The following PDE4D variants were observed in gnomAD, a reference collection of about 807,000 sequenced individuals.
PDE4D encodes the protein phosphodiesterase 4D, also known as 3',5'-cyclic-AMP phosphodiesterase 4D.
A neutral mutation model predicts 87.4 loss-of-function variants in PDE4D; 24 were observed. That is an observed-to-expected ratio of 0.27 (90% CI 0.20 to 0.39). The LOEUF (loss-of-function observed/expected upper bound fraction) is 0.39. Ranked by LOEUF, PDE4D falls within the 10% of genes least tolerant of loss-of-function variation. PDE4D has a pLI of 1.00. For missense variants in PDE4D, 714 were observed against 1,041.0 expected, an observed-to-expected ratio of 0.69 and a Z score of 4.32; for synonymous variants, 384 against 383.2, an observed-to-expected ratio of 1.00 and a Z score of -0.02.
At chr5:59,506,325 A>T (rs1809256235) in intron 1 of PDE4D, among the ~76,000 whole-genome samples, 1 of 152,174 alleles carries the variant, frequency 6.6e-6, no homozygotes, top group Admixed American at 6.5e-5. Context: ...TAATTTTAAT[A>T]ATTCTTATAT....
intron 1 of PDE4D, among the ~76,000 whole-genome samples, chr5:60,419,936 C>A (rs1742944795): frequency 6.6e-6 from 1 of 152,116 alleles, no homozygotes; most frequent in South Asian, 2.1e-4. Context: ...ATCTATAAAG[C>A]AGAGTCTTAG....
intron 1 of PDE4D, among the ~76,000 whole-genome samples, chr5:59,678,371 A>G (rs966946522): frequency 1.3e-5 from 2 of 152,294 alleles, no homozygotes; most frequent in East Asian, 1.9e-4. Flanking sequence ...AAAAATGTGT[A>G]AAGAATTACA....
At chr5:60,006,436 T>C (rs1764484924) in intron 2 of PDE4D, among the ~76,000 whole-genome samples, 1 of 151,532 alleles carries the variant, frequency 6.6e-6, no homozygotes, top group Non-Finnish European at 1.5e-5. Context: ...AAAAAGGAGG[T>C]ATCCCTGCAA....
chr5:59,502,088 G>T (rs1025109887), intron 1 of PDE4D, among the ~76,000 whole-genome samples: 3 of 152,010 alleles, frequency 2.0e-5, no homozygotes, highest in Non-Finnish European at 4.4e-5. Context: ...TCATGCCATG[G>T]TTTCTTTACC....
At chr5:60,090,680 G>A (rs1026159328) in intron 2 of PDE4D, among the ~76,000 whole-genome samples, 3 of 152,036 alleles carry the variant, frequency 2.0e-5, no homozygotes, top group Admixed American at 2.0e-4. Flanking sequence ...CTATCACAGC[G>A]GTTAGGCAAG....
chr5:60,258,768 T>C (rs1442969221), intron 1 of PDE4D, among the ~76,000 whole-genome samples: 1 of 151,982 alleles, frequency 6.6e-6, no homozygotes, highest in Non-Finnish European at 1.5e-5. Context: ...TACTTAAGAC[T>C]TCTATGATTT....
intron 2 of PDE4D, among the ~76,000 whole-genome samples, chr5:60,165,169 G>A (rs1654523546): frequency 6.6e-6 from 1 of 152,122 alleles, no homozygotes; most frequent in South Asian, 2.1e-4. Context: ...AACCTAACAT[G>A]AGGTTCTCCA....
At chr5:59,971,905 G>A (rs1003029176) in intron 3 of PDE4D, among the ~76,000 whole-genome samples, 2 of 152,166 alleles carry the variant, frequency 1.3e-5, no homozygotes, top group Non-Finnish European at 2.9e-5. Flanking sequence ...AAGAATATAG[G>A]ATAGAACTCA....
intron 1 of PDE4D, among the ~76,000 whole-genome samples, chr5:60,278,443 T>C (rs544288938): frequency 6.6e-6 from 1 of 152,180 alleles, no homozygotes; most frequent in Non-Finnish European, 1.5e-5. Flanking sequence ...TTACCAAATT[T>C]GGGAAGTTTG....
chr5:58,986,521 C>T (rs1846369), intron 11 of PDE4D, among the ~76,000 whole-genome samples: 124,075 of 152,146 alleles, frequency 0.82, 50,764 homozygotes, highest in Admixed American at 0.88. Context: ...GCCTGAGCTC[C>T]GCCTCCTGTC....
chr5:59,603,502 T>C (rs1561304339), intron 1 of PDE4D, among the ~76,000 whole-genome samples: 1 of 151,930 alleles, frequency 6.6e-6, no homozygotes, highest in Non-Finnish European at 1.5e-5. Context: ...ATATTAAGTG[T>C]TGGCAAGAAT....
At chr5:60,310,792 C>T (rs1275885926) in intron 1 of PDE4D, among the ~76,000 whole-genome samples, 4 of 152,322 alleles carry the variant, frequency 2.6e-5, no homozygotes, top group South Asian at 4.1e-4. Flanking sequence ...TTCTCTTACT[C>T]TCTGAGCCTT....
chr5:60,198,644 T>C (rs1026774757), intron 1 of PDE4D, among the ~76,000 whole-genome samples: 1 of 151,640 alleles, frequency 6.6e-6, no homozygotes, highest in African/African-American at 2.4e-5. Flanking sequence ...ATGTAAGCTT[T>C]TTATTACTTT....
chr5:60,077,845 G>A (rs1442852075), intron 2 of PDE4D, among the ~76,000 whole-genome samples: 3 of 152,160 alleles, frequency 2.0e-5, no homozygotes, highest in Admixed American at 6.5e-5. Context: ...AGATCCATGC[G>A]AGAGTGGATC....
At chr5:60,394,332 C>A (rs987280770) in intron 1 of PDE4D, among the ~76,000 whole-genome samples, 2 of 152,170 alleles carry the variant, frequency 1.3e-5, no homozygotes, top group African/African-American at 4.8e-5. Context: ...ATTATAGTGG[C>A]AGCTCTTGCC....
chr5:59,739,659 C>T (rs537253130), intron 1 of PDE4D, among the ~76,000 whole-genome samples: 39 of 152,258 alleles, frequency 2.6e-4, no homozygotes, highest in African/African-American at 8.7e-4. Context: ...CAGTGTAATA[C>T]GCTACAAGCA....
At chr5:59,933,792 T>TATATATATATATATATATATATATA (rs1561879282) in intron 3 of PDE4D, among the ~76,000 whole-genome samples, 5 of 99,418 alleles carry the variant, frequency 5.0e-5, no homozygotes, top group African/African-American at 1.9e-4. Flanking sequence ...ATATATATAT[T>TATATATATATATATATATATATATA]AATAAGCATT....
chr5:59,288,084 C>T (rs1325124248), intron 1 of PDE4D, among the ~76,000 whole-genome samples: 2 of 151,858 alleles, frequency 1.3e-5, no homozygotes. Flanking sequence ...AAGCATAAAG[C>T]CTATCCAGGA....
At chr5:59,162,980 G>T (rs1403874495) in intron 5 of PDE4D, among the ~76,000 whole-genome samples, 4 of 148,730 alleles carry the variant, frequency 2.7e-5, no homozygotes, top group Non-Finnish European at 5.9e-5. Context: ...GTCTTGCTCT[G>T]TCACCCAGGT....
Sources: allele counts gnomAD v4.1 joint callset (sites outside exome capture counted in the v4.1 genomes callset), GRCh38; gene constraint gnomAD v4.1.1; transcripts MANE v1.5; gene names NCBI Gene and HGNC (gene_info 2026-07-23, HGNC 2026-07-21).